The following KCTD21 variants were observed in gnomAD, a reference collection of about 807,000 sequenced individuals.
The protein encoded by KCTD21 is potassium channel tetramerization domain containing 21.
In KCTD21, 9 loss-of-function variants were observed where a neutral mutation model predicts 13.2. The observed-to-expected ratio is 0.68, with a 90% confidence interval of 0.41 to 1.19. KCTD21 has a LOEUF of 1.19. KCTD21 is among the 50% of genes most tolerant of loss of function. The pLI is 0.01. For missense variants in KCTD21, 303 were observed against 336.5 expected (o/e 0.90, Z 0.78); for synonymous variants, 142 against 137.4 (o/e 1.03, Z -0.23).
At chr11:78,187,107 G>C (rs766175845) in intron 1 of KCTD21, 10 of 985,428 alleles carry the variant, frequency 1.0e-5, no homozygotes, top group Non-Finnish European at 1.1e-5. Flanking sequence ...AGTTTCCACT[G>C]CGTAAGGGAA....
chr11:78,176,499 C>G (rs973918659), intron 1 of KCTD21, among the ~76,000 whole-genome samples: 3 of 152,216 alleles, frequency 2.0e-5, no homozygotes, highest in Non-Finnish European at 2.9e-5. Context: ...GCTTCCAACA[C>G]TATACTTTCC....
At chr11:78,188,321 G>A in intron 1 of KCTD21, 2 of 984,718 alleles carry the variant, frequency 2.0e-6, no homozygotes, top group Non-Finnish European at 1.2e-6. Context: ...CATTATCCGG[G>A]CTTTTCCGAC....
rs1398860534 is a variant in KCTD21, at chr11:78,172,983, A to C, written c.*789T>G. 6.6e-6 allele frequency: 1 copy of C among 152,650 alleles called. No homozygotes were observed. Among genetic ancestry groups the C allele is most frequent in the Non-Finnish European group, 1.5e-5 (1 of 68,038 alleles). The allele number at this position is 152,650 out of a possible 1,614,324, so 9.5% of individuals were successfully genotyped here. A position where few individuals can be genotyped will look rare whatever the true frequency, so the allele number is the denominator to read the frequency against. On this transcript the variant is annotated 3_prime_UTR_variant, in exon 2 of 2. Coordinates refer to ENST00000340067, the MANE Select transcript of KCTD21 (RefSeq NM_001029859.3). ...AAATGACCTGTTTCAATGATACCTC[A>C]AATTTTTGGGAAAACAATGACAAAA...
At chr11:78,186,371 CAAAAAAAAAAA>C (rs57748403) in intron 1 of KCTD21, among the ~76,000 whole-genome samples, 8 of 45,814 alleles carry the variant, frequency 1.7e-4, no homozygotes, top group East Asian at 1.4e-3. Context: ...GACCCTGTCT[CAAAAAAAAAAA>C]AAAAAAAAAA....
At chr11:78,185,648 G>A (rs1281065759) in intron 1 of KCTD21, among the ~76,000 whole-genome samples, 1 of 151,942 alleles carries the variant, frequency 6.6e-6, no homozygotes, top group Non-Finnish European at 1.5e-5. Flanking sequence ...TTGGAGTGCA[G>A]TGGCGTGATC....
At chr11:78,174,607 A>G in intron 1 of KCTD21, 24 bp from the exon 2 acceptor site, 1 of 1,516,564 alleles carries the variant, frequency 6.6e-7, no homozygotes, top group African/African-American at 1.4e-5. Context: ...GAAGTGAGAA[A>G]TGACTATAAC....
chr11:78,173,907 C>A lies in KCTD21; in HGVS notation c.648G>T (p.Gln216His), dbSNP rs1472395267. 6.2e-7 allele frequency: 1 copy of A among 1,614,078 alleles called. No homozygotes were observed. The highest frequency in any genetic ancestry group is 2.2e-5 in the East Asian group (1 of 44,888). The change falls in exon 2 of 2, where the codon CAG becomes CAT. Residue 216 changes from glutamine (Q) to histidine (H), a missense_variant. Coordinates refer to ENST00000340067, the MANE Select transcript of KCTD21 (RefSeq NM_001029859.3). ...KRLWVVPANKQINSFQVFVEE... is the reference protein window; with the variant it reads ...KRLWVVPANKHINSFQVFVEE... The stretch of plus-strand genomic sequence containing the variant: ...CCACGAAGACCTGGAAGCTGTTGAT[C>A]TGCTTGTTGGCGGGCACCACCCAGA...
chr11:78,177,284 C>CT (rs988777590), intron 1 of KCTD21, among the ~76,000 whole-genome samples: 2 of 152,204 alleles, frequency 1.3e-5, no homozygotes, highest in African/African-American at 4.8e-5. Context: ...TAATGGGGCA[C>CT]TTTGATATTG....
chr11:78,174,254 C>A lies in KCTD21; in HGVS notation c.301G>T (p.Val101Leu). The A allele has an allele frequency of 6.2e-7, 1 of 1,614,082 alleles. No individual in the cohort carries two copies. Residue 101 changes from valine (V) to leucine (L), a missense_variant, in exon 2 of 2, where the codon GTG (valine) becomes TTG (leucine). Coordinates refer to ENST00000340067, the MANE Select transcript of KCTD21 (RefSeq NM_001029859.3). The stretch of plus-strand genomic sequence containing the variant: ...TTCTTCTCGGCCTTGGAGAGCTCCA[C>A]TTCCTTCTCCTGCAGGGCCTCAATC... Reference protein sequence around the residue: ...PLIEALQEKEVELSKAEKNAM... With the variant: ...PLIEALQEKELELSKAEKNAM...
Position 78,186,371 on chromosome 11 carries a change from CAAAAAAAAAAAAAAAAAAAAAAAAAA to C in KCTD21, c.-30+2176_-30+2201del, listed in dbSNP as rs57748403. ...TGGGCAACAGAGTAAGACCCTGTCT[CAAAAAAAAAAAAAAAAAAAAAAAAAA>C]AAAAAAAAAAGAAAAGAACTGGAGA... On this transcript the variant is annotated intron_variant, in intron 1 of 1. Transcript: ENST00000340067. 6.5e-5 allele frequency among the ~76,000 whole-genome samples: 3 copies of C among 45,808 alleles called. No individual in the cohort carries two copies. The East Asian group carries it at 2.1e-3, about 32-fold the overall frequency. 30.1% of individuals were successfully genotyped at this position (45,808 alleles called of 152,430 possible). A position where few individuals can be genotyped will look rare whatever the true frequency, so the allele number is the denominator to read the frequency against.
chr11:78,173,316 G>A lies in KCTD21; in HGVS notation c.*456C>T. 1.2e-5 allele frequency: 2 copies of A among 161,888 alleles called. No individual in the cohort carries two copies. Among genetic ancestry groups the A allele is most frequent in the Non-Finnish European group, 2.7e-5 (2 of 73,074 alleles). 10.0% of individuals were successfully genotyped at this position (161,888 alleles called of 1,614,324 possible). On this transcript the variant is annotated 3_prime_UTR_variant, in exon 2 of 2. Transcript: ENST00000340067. ...ATGGATGCACCCTGGGGAGGGAGGA[G>A]CAGGTGTGACAGGAACCGCTGGGGA...
intron 1 of KCTD21, among the ~76,000 whole-genome samples, chr11:78,181,261 C>G (rs959715393): frequency 2.6e-5 from 4 of 152,156 alleles, no homozygotes; most frequent in Non-Finnish European, 5.9e-5. Flanking sequence ...TGCCCAAACT[C>G]AGAAACAACT....
intron 1 of KCTD21, among the ~76,000 whole-genome samples, chr11:78,182,302 C>T (rs1017630378): frequency 7.0e-6 from 1 of 141,898 alleles, no homozygotes; most frequent in Admixed American, 6.8e-5. Flanking sequence ...AAAGCACCCC[C>T]CCCCCCTCAA....
At chr11:78,177,538 A>G (rs1393935050) in intron 1 of KCTD21, among the ~76,000 whole-genome samples, 1 of 152,144 alleles carries the variant, frequency 6.6e-6, no homozygotes, top group Non-Finnish European at 1.5e-5. Context: ...CCCAGGCAGG[A>G]GGTGGACCCA....
chr11:78,188,561 T>G lies in KCTD21; in HGVS notation c.-30+12A>C. On this transcript the variant is annotated intron_variant, in intron 1 of 1. Coordinates refer to ENST00000340067, the MANE Select transcript of KCTD21 (RefSeq NM_001029859.3). ...TCCCCGAGCCCCGCGACCCCGGCCG[T>G]GCCGCACCCACCTCCTGCCCTCGCT... 2.0e-6 allele frequency: 2 copies of G among 985,648 alleles called. No homozygotes were observed. Among genetic ancestry groups the G allele is most frequent in the Non-Finnish European group, 2.4e-6 (2 of 830,176 alleles). The allele number at this position is 985,648 out of a possible 1,614,324, so 61.1% of individuals were successfully genotyped here. A position where few individuals can be genotyped will look rare whatever the true frequency, so the allele number is the denominator to read the frequency against.
chr11:78,188,089 C>A (rs1224527250), intron 1 of KCTD21: 1 of 985,298 alleles, frequency 1.0e-6, no homozygotes, highest in East Asian at 1.1e-4. Flanking sequence ...GCCGCCACAG[C>A]GCGGCCGGCC....
rs905792481 is a variant in KCTD21 at position 78,188,572 on chromosome 11, C to T, written c.-30+1G>A. On this transcript the variant is annotated splice_donor_variant, in intron 1 of 1. Transcript: ENST00000340067. LOFTEE classifies it low-confidence loss of function (5UTR_SPLICE). ...CGCGACCCCGGCCGTGCCGCACCCACCTCCTGCCCTCGCTCTGCAGCCTCT... is the reference window on the plus strand; with the variant it reads ...CGCGACCCCGGCCGTGCCGCACCCATCTCCTGCCCTCGCTCTGCAGCCTCT... 2.0e-6 allele frequency: 2 copies of T among 985,746 alleles called. No individual in the cohort carries two copies. Among genetic ancestry groups the T allele is most frequent in the East Asian group, 1.1e-4 (1 of 8,808 alleles). The allele number at this position is 985,746 out of a possible 1,614,324, so 61.1% of individuals were successfully genotyped here. A position where few individuals can be genotyped will look rare whatever the true frequency, so the allele number is the denominator to read the frequency against.
intron 1 of KCTD21, chr11:78,187,098 G>A (rs898765437): frequency 5.1e-6 from 5 of 985,460 alleles, no homozygotes; most frequent in Non-Finnish European, 6.0e-6. Flanking sequence ...TGCAAGGAGA[G>A]TTTCCACTGC....
At chr11:78,186,531 G>T in intron 1 of KCTD21, 1 of 260,840 alleles carries the variant, frequency 3.8e-6, no homozygotes, top group Non-Finnish European at 6.0e-6. Flanking sequence ...CACGTTCCTG[G>T]GCAGATGATG....
Sources: allele counts gnomAD v4.1 joint callset (sites outside exome capture counted in the v4.1 genomes callset), GRCh38; gene constraint gnomAD v4.1.1; transcripts MANE v1.5; gene names NCBI Gene and HGNC (gene_info 2026-07-23, HGNC 2026-07-21).